Variants in CDH2 observed in about 807,000 individuals in gnomAD.
The protein encoded by CDH2 is cadherin 2, also known as cadherin-2.
Under a neutral mutation model 92.0 loss-of-function variants are expected in CDH2, and 17 were observed. The observed-to-expected ratio is 0.18, with a 90% CI of 0.13 to 0.28. CDH2 has a LOEUF of 0.28. Among genes scored for constraint, CDH2 ranks in the 10% least tolerant of loss-of-function variants. CDH2 has a pLI of 1.00. For missense variants in CDH2, 862 were observed against 1,133.1 expected (o/e 0.76, Z 3.44); for synonymous variants, 419 against 415.9 (o/e 1.01, Z -0.09).
intron 2 of CDH2, among the ~76,000 whole-genome samples, chr18:28,085,815 C>G (rs1460201518): frequency 6.6e-6 from 1 of 152,094 alleles, no homozygotes; most frequent in Non-Finnish European, 1.5e-5. Flanking sequence ...TTAGTAAGTA[C>G]TTAATGTGCT....
chr18:28,013,913 T>TA lies in CDH2; in HGVS notation c.173-5dup, dbSNP rs761124785. Reference sequence around the variant, plus strand: ...CCATTGCAGTTGCTAAACTTCACTGTAAAAGATAAGAAATAGGTCAGTTAT... The same window carrying TA: ...CCATTGCAGTTGCTAAACTTCACTGTAAAAAGATAAGAAATAGGTCAGTTAT... On this transcript the variant is annotated splice_region_variant and splice_polypyrimidine_tract_variant and intron_variant, in intron 2 of 15. Coordinates refer to ENST00000269141, the MANE Select transcript of CDH2 (RefSeq NM_001792.5). 1.6e-5 allele frequency: 26 copies of TA among 1,605,382 alleles called. No individual in the cohort carries two copies. The South Asian group carries it at 1.9e-4, about 12-fold the overall frequency.
intron 6 of CDH2, among the ~76,000 whole-genome samples, chr18:27,937,820 C>T (rs764775031): frequency 6.6e-6 from 1 of 152,068 alleles, no homozygotes; most frequent in Non-Finnish European, 1.5e-5. Flanking sequence ...TATGCAGCTC[C>T]AGATAGTCAG....
At chr18:28,154,390 C>T (rs981946173) in intron 1 of CDH2, among the ~76,000 whole-genome samples, 4 of 152,236 alleles carry the variant, frequency 2.6e-5, no homozygotes, top group South Asian at 4.1e-4. Context: ...CATTTAGTGC[C>T]GCTCTGTGCT....
At chr18:28,050,411 T>G (rs943113555) in intron 2 of CDH2, among the ~76,000 whole-genome samples, 2 of 152,182 alleles carry the variant, frequency 1.3e-5, no homozygotes, top group African/African-American at 4.8e-5. Context: ...ATTTAATAAA[T>G]ACTATGTCTC....
At chr18:27,998,856 C>G (rs576116405) in intron 7 of CDH2, among the ~76,000 whole-genome samples, 1 of 152,306 alleles carries the variant, frequency 6.6e-6, no homozygotes, top group Non-Finnish European at 1.5e-5. Flanking sequence ...CTAGGCTCAA[C>G]TGATCTGCCT....
intron 2 of CDH2, among the ~76,000 whole-genome samples, chr18:28,050,974 C>T (rs748899758): frequency 3.3e-5 from 5 of 152,104 alleles, no homozygotes; most frequent in Non-Finnish European, 5.9e-5. Context: ...ATATGTATTT[C>T]CTTAACCAGG....
At chr18:28,043,467 T>TATAC (rs2013994707) in intron 2 of CDH2, among the ~76,000 whole-genome samples, 1 of 59,656 alleles carries the variant, frequency 1.7e-5, no homozygotes, top group Non-Finnish European at 3.0e-5. Flanking sequence ...AATAAATATA[T>TATAC]ATATATATAT....
At chr18:27,939,312 C>T (rs1039326196) in intron 6 of CDH2, among the ~76,000 whole-genome samples, 1 of 152,156 alleles carries the variant, frequency 6.6e-6, no homozygotes, top group Non-Finnish European at 1.5e-5. Context: ...TACATTACTT[C>T]TATTTCAATC....
At chr18:27,988,028 A>T (rs199951708) in intron 11 of CDH2, among the ~76,000 whole-genome samples, 1 of 152,210 alleles carries the variant, frequency 6.6e-6, no homozygotes, top group East Asian at 1.9e-4. Flanking sequence ...GAGACTCAGA[A>T]AGGAAAAAAA....
intron 2 of CDH2, among the ~76,000 whole-genome samples, chr18:28,067,194 TACTG>T (rs888160596): frequency 5.9e-5 from 9 of 152,210 alleles, no homozygotes; most frequent in Non-Finnish European, 1.0e-4. Flanking sequence ...TTTCTAGTGT[TACTG>T]ACTAACAGCT....
rs150850339 is a variant in CDH2 at position 27,992,803 on chromosome 18, A to G, written c.1196T>C (p.Ile399Thr). The change falls in exon 9 of 16, where the codon ATA (isoleucine) becomes ACA (threonine). Residue 399 changes from isoleucine (I) to threonine (T), a missense_variant. By Grantham distance (89) the Ile-to-Thr change is moderately conservative. This residue lies in a region of CDH2 where 564 missense variants were observed against 722.2 expected (regional missense o/e 0.78). Coordinates refer to ENST00000269141, the MANE Select transcript of CDH2 (RefSeq NM_001792.5). The stretch of plus-strand genomic sequence containing the variant: ...ATCGGTCACAGTTAGATTAGCTACT[A>G]TGATGTCTACCCTGTTCTCAGGAAC... ...GEVPENRVDI[I>T]VANLTVTDKD... is the part of the protein sequence containing the mutation. 2.9e-5 allele frequency: 47 copies of G among 1,613,854 alleles called. No homozygotes were observed. The highest frequency in any genetic ancestry group is 3.6e-5 in the Non-Finnish European group (43 of 1,179,884).
chr18:28,029,722 C>T (rs1419512979), intron 2 of CDH2, among the ~76,000 whole-genome samples: 12 of 152,096 alleles, frequency 7.9e-5, no homozygotes, highest in Admixed American at 7.9e-4. Context: ...TCCAGCTCCA[C>T]ATCACGTGTT....
intron 14 of CDH2, among the ~76,000 whole-genome samples, chr18:27,981,258 G>A (rs922302337): frequency 4.6e-5 from 7 of 152,096 alleles, no homozygotes; most frequent in Non-Finnish European, 2.9e-5. Flanking sequence ...GGAAGTAGAC[G>A]ATTTATGAGA....
At position 28,013,920 on chromosome 18, in the gene CDH2, T is replaced by C. The variant is rs201251700; in HGVS notation, c.173-11A>G. ...AGTTGCTAAACTTCACTGTAAAAGA[T>C]AAGAAATAGGTCAGTTATTATAATT... On this transcript the variant is annotated splice_polypyrimidine_tract_variant and intron_variant, in intron 2 of 15. Coordinates refer to ENST00000269141, the MANE Select transcript of CDH2 (RefSeq NM_001792.5). 2.9e-5 allele frequency: 46 copies of C among 1,594,960 alleles called. No individual in the cohort carries two copies. In the African/African-American group the frequency reaches 4.8e-4, roughly 17 times the overall value.
chr18:28,015,891 G>T (rs1202260020), intron 2 of CDH2, among the ~76,000 whole-genome samples: 19 of 152,056 alleles, frequency 1.2e-4, no homozygotes, highest in Admixed American at 1.2e-3. Flanking sequence ...GGGTCACCTG[G>T]TCTCTTCAGT....
chr18:28,172,859 C>A (rs976816958), intron 1 of CDH2, among the ~76,000 whole-genome samples: 3 of 151,972 alleles, frequency 2.0e-5, no homozygotes, highest in African/African-American at 7.2e-5. Context: ...CTTCTAACTT[C>A]ATAATAACCC....
At chr18:28,043,071 A>G (rs940502559) in intron 2 of CDH2, among the ~76,000 whole-genome samples, 8 of 152,136 alleles carry the variant, frequency 5.3e-5, no homozygotes, top group African/African-American at 1.9e-4. Context: ...GAAATCAACT[A>G]TTTGTTGGCT....
intron 9 of CDH2, among the ~76,000 whole-genome samples, chr18:27,991,420 G>A (rs1413949234): frequency 1.3e-5 from 2 of 151,950 alleles, no homozygotes; most frequent in African/African-American, 2.4e-5. Context: ...CCTTTCTCTA[G>A]TATTTTAAGC....
chr18:28,023,635 A>C (rs1350100532), intron 2 of CDH2, among the ~76,000 whole-genome samples: 3 of 152,064 alleles, frequency 2.0e-5, no homozygotes, highest in Admixed American at 6.6e-5. Context: ...GAATATTTTA[A>C]AACATGAAAT....
Sources: allele counts gnomAD v4.1 joint callset (sites outside exome capture counted in the v4.1 genomes callset), GRCh38; gene constraint gnomAD v4.1.1; regional missense constraint gnomAD v4.1.1; transcripts MANE v1.5; gene names NCBI Gene and HGNC (gene_info 2026-07-23, HGNC 2026-07-21).